SLC1A7: variants seen among roughly 807,000 people sequenced by gnomAD.
SLC1A7 encodes the protein excitatory amino acid transporter 5.
A neutral mutation model predicts 47.7 loss-of-function variants in SLC1A7; 40 were observed. The ratio of observed to expected loss-of-function variants is 0.84; its 90% CI spans 0.65 to 1.09. The LOEUF (loss-of-function observed/expected upper bound fraction) is 1.09. Ranked by LOEUF, SLC1A7 falls within the 50% of genes least tolerant of loss-of-function variation. The pLI is 0.00. For missense variants in SLC1A7, 746 were observed against 769.5 expected (o/e 0.97, Z 0.36); for synonymous variants, 323 against 325.6 (o/e 0.99, Z 0.09).
At chr1:53,091,888 C>G (rs1234082157) in intron 7 of SLC1A7, among the ~76,000 whole-genome samples, 4 of 152,194 alleles carry the variant, frequency 2.6e-5, no homozygotes, top group Non-Finnish European at 5.9e-5. Flanking sequence ...CCCCCTCCAC[C>G]AACGACATGG....
At chr1:53,139,876 A>C (rs1488391801) in intron 1 of SLC1A7, among the ~76,000 whole-genome samples, 1 of 152,124 alleles carries the variant, frequency 6.6e-6, no homozygotes, top group Non-Finnish European at 1.5e-5. Flanking sequence ...AAATGGATAC[A>C]CCTGTGATTC....
In SLC1A7 at chr1:53,130,472, C is replaced by T. The variant is rs1177752794; in HGVS notation, c.215+3878G>A. ...GGTTGGAACTGGAAGCTGGTGAGCC[C>T]AAATGTAACCCCCTGCCCCCATCCC... is the stretch of plus-strand genomic sequence containing the variant. On this transcript the variant is annotated intron_variant, in intron 2 of 10. Transcript: ENST00000371494. Among the ~76,000 whole-genome samples the T allele has an allele frequency of 4.6e-5, 7 of 151,844 alleles. 1 individual carries two copies. The highest frequency in any genetic ancestry group is 1.7e-4 in the African/African-American group (7 of 41,312).
chr1:53,123,537 G>A (rs978332185), intron 2 of SLC1A7, among the ~76,000 whole-genome samples: 2 of 152,230 alleles, frequency 1.3e-5, no homozygotes, highest in Non-Finnish European at 2.9e-5. Context: ...GCTCTGGCCA[G>A]CGGGTGGGGA....
In SLC1A7 at chr1:53,126,451, C is replaced by T. The variant is rs1383599; in HGVS notation, c.215+7899G>A. ...GGGAGGGCTGAAATAAACTGAAAACCGCAAACCTGGAGTTACGCCGGGTTA... is the reference window on the plus strand; with the variant it reads ...GGGAGGGCTGAAATAAACTGAAAACTGCAAACCTGGAGTTACGCCGGGTTA... On this transcript the variant is annotated intron_variant, in intron 2 of 10. Coordinates refer to ENST00000371494, the MANE Select transcript of SLC1A7 (RefSeq NM_006671.6). Among the ~76,000 whole-genome samples, 129 of 152,256 alleles carry T rather than the reference C, an allele frequency of 8.5e-4. 3 individuals are homozygous for T. The East Asian group carries it at 0.021, about 25-fold the overall frequency.
At chr1:53,113,884 G>A (rs1421944176) in intron 3 of SLC1A7, among the ~76,000 whole-genome samples, 1 of 152,020 alleles carries the variant, frequency 6.6e-6, no homozygotes, top group East Asian at 1.9e-4. Context: ...ACGGTTCCCT[G>A]CAGCTCAGGA....
At chr1:53,126,730 CTCACATCT>C (rs766592180) in intron 2 of SLC1A7, among the ~76,000 whole-genome samples, 17 of 152,218 alleles carry the variant, frequency 1.1e-4, no homozygotes, top group Non-Finnish European at 2.1e-4. Flanking sequence ...AGGACCTCAC[CTCACATCT>C]GGTGAATTCA....
chr1:53,138,002 GA>G (rs1451169905), intron 1 of SLC1A7, among the ~76,000 whole-genome samples: 1 of 152,192 alleles, frequency 6.6e-6, no homozygotes, highest in Non-Finnish European at 1.5e-5. Flanking sequence ...GAGTGGATGG[GA>G]GATAAACTTT....
intron 2 of SLC1A7, among the ~76,000 whole-genome samples, chr1:53,127,038 GTTTTTTTTT>G (rs61456544): frequency 1.0e-5 from 1 of 97,564 alleles, no homozygotes; most frequent in Non-Finnish European, 1.9e-5. Flanking sequence ...AATTTTAAAA[GTTTTTTTTT>G]TTTTTTTTTT....
At chr1:53,122,389 C>T (rs1487723610) in intron 2 of SLC1A7, among the ~76,000 whole-genome samples, 1 of 152,218 alleles carries the variant, frequency 6.6e-6, no homozygotes, top group African/African-American at 2.4e-5. Flanking sequence ...CCCTGGGATG[C>T]AGCTGCAGGA....
intron 5 of SLC1A7, among the ~76,000 whole-genome samples, chr1:53,097,261 A>G (rs1644505745): frequency 6.8e-6 from 1 of 147,430 alleles, no homozygotes; most frequent in Non-Finnish European, 1.5e-5. Context: ...TTCTCGGTAC[A>G]CTCACACACC....
chr1:53,123,191 T>G lies in SLC1A7; in HGVS notation c.216-8218A>C, dbSNP rs80261733. On this transcript the variant is annotated intron_variant, in intron 2 of 10. Coordinates refer to ENST00000371494, the MANE Select transcript of SLC1A7 (RefSeq NM_006671.6). ...ATTCCCTAAGGCAGTCAGGGCCAGG[T>G]CCAGTTTCCAACTCCACGTGAACTG... is the stretch of plus-strand genomic sequence containing the variant. Among the ~76,000 whole-genome samples, 474 of 152,092 alleles carry G rather than the reference T, an allele frequency of 3.1e-3. 2 individuals carry two copies. Among genetic ancestry groups the G allele is most frequent in the African/African-American group, 0.011 (457 of 41,476 alleles).
intron 6 of SLC1A7, 30 bp downstream of exon 6, chr1:53,093,431 G>T: frequency 6.5e-7 from 1 of 1,528,468 alleles, no homozygotes; most frequent in Non-Finnish European, 9.0e-7. Flanking sequence ...AGGGCTGGCC[G>T]GGGTGAGGTG....
At chr1:53,136,663 T>G (rs1166112999) in intron 1 of SLC1A7, among the ~76,000 whole-genome samples, 1 of 46,142 alleles carries the variant, frequency 2.2e-5, no homozygotes, top group Non-Finnish European at 3.8e-5. Flanking sequence ...TATATATATA[T>G]ATATTTTTTT....
chr1:53,097,369 G>T (rs1001394225), intron 5 of SLC1A7, among the ~76,000 whole-genome samples: 1 of 120,136 alleles, frequency 8.3e-6, no homozygotes, highest in African/African-American at 3.3e-5. Flanking sequence ...ACACCCCCTC[G>T]GTACACTCAC....
intron 3 of SLC1A7, chr1:53,108,779 C>A (rs1644672743): frequency 1.6e-6 from 1 of 641,442 alleles, no homozygotes; most frequent in South Asian, 1.9e-5. Context: ...CCTCCCACTT[C>A]TGGACTGTTC....
chr1:53,116,796 C>G (rs1393652714), intron 2 of SLC1A7, among the ~76,000 whole-genome samples: 1 of 152,246 alleles, frequency 6.6e-6, no homozygotes, highest in African/African-American at 2.4e-5. Flanking sequence ...GGCCAGAACT[C>G]AGGGCCAGAC....
In SLC1A7 at chr1:53,097,099, G is replaced by A. The variant is rs145751557; in HGVS notation, c.698-3539C>T. On this transcript the variant is annotated intron_variant, in intron 5 of 10. Transcript: ENST00000371494. ...TCAGTACGCTCACACACACTGCCTC[G>A]GCACACTCACAGAACCCGCCTCAGT... 3.1e-3 allele frequency among the ~76,000 whole-genome samples: 460 copies of A among 147,232 alleles called. 1 individual carries two copies. The highest frequency in any genetic ancestry group is 0.011 in the African/African-American group (420 of 39,288).
At chr1:53,134,264 G>A (rs1011806284) in intron 2 of SLC1A7, 86 bp downstream of exon 2, 1 of 958,740 alleles carries the variant, frequency 1.0e-6, no homozygotes, top group African/African-American at 1.6e-5. Flanking sequence ...TTGCTCTCCA[G>A]CCACCCACAG....
chr1:53,138,192 C>T (rs1180779195), intron 1 of SLC1A7, among the ~76,000 whole-genome samples: 3 of 152,122 alleles, frequency 2.0e-5, no homozygotes, highest in Non-Finnish European at 4.4e-5. Context: ...TTTCCTGTTC[C>T]TTAGATGAGG....
Sources: allele counts gnomAD v4.1 joint callset (sites outside exome capture counted in the v4.1 genomes callset), GRCh38; gene constraint gnomAD v4.1.1; transcripts MANE v1.5; gene names NCBI Gene and HGNC (gene_info 2026-07-23, HGNC 2026-07-21).